Variants in PTPRM observed in about 807,000 individuals in gnomAD.
The protein encoded by PTPRM is receptor-type tyrosine-protein phosphatase mu.
PTPRM carries 47 observed loss-of-function variants against 186.7 expected under a neutral mutation model. The ratio of observed to expected loss-of-function variants is 0.25; its 90% CI spans 0.20 to 0.32. The LOEUF (loss-of-function observed/expected upper bound fraction) is 0.32. PTPRM is among the 10% of genes least tolerant of loss of function. The pLI is 1.00. For missense variants in PTPRM, 1,494 were observed against 1,865.0 expected (o/e 0.80, Z 3.66); for synonymous variants, 668 against 674.9 (o/e 0.99, Z 0.16).
intron 1 of PTPRM, among the ~76,000 whole-genome samples, chr18:7,677,287 T>C (rs561959674): frequency 6.6e-6 from 1 of 152,366 alleles, no homozygotes; most frequent in East Asian, 1.9e-4. Flanking sequence ...AAGTGCATTG[T>C]GTAAGGGAAG....
chr18:7,613,361 C>T (rs1159165375), intron 1 of PTPRM, among the ~76,000 whole-genome samples: 1 of 152,140 alleles, frequency 6.6e-6, no homozygotes, highest in Non-Finnish European at 1.5e-5. Flanking sequence ...TGATTTCAGT[C>T]ATATTGTTTC....
chr18:8,076,909 C>G (rs1210631533), intron 9 of PTPRM, among the ~76,000 whole-genome samples: 1 of 152,116 alleles, frequency 6.6e-6, no homozygotes, highest in Admixed American at 6.5e-5. Flanking sequence ...TCTTGCTTAG[C>G]TATTAAATAT....
At chr18:7,880,154 A>G (rs1405315039) in intron 2 of PTPRM, among the ~76,000 whole-genome samples, 1 of 152,174 alleles carries the variant, frequency 6.6e-6, no homozygotes, top group Admixed American at 6.5e-5. Context: ...CTCCCACGAC[A>G]TGTGGGGATT....
intron 2 of PTPRM, among the ~76,000 whole-genome samples, chr18:7,857,093 C>A (rs1407697461): frequency 6.6e-6 from 1 of 152,106 alleles, no homozygotes; most frequent in East Asian, 1.9e-4. Context: ...CTTCTTGAAT[C>A]CTGCAGAATG....
intron 7 of PTPRM, among the ~76,000 whole-genome samples, chr18:8,034,968 T>G (rs2086228306): frequency 6.6e-6 from 1 of 152,188 alleles, no homozygotes; most frequent in South Asian, 2.1e-4. Context: ...ACCCCATTCT[T>G]ATTCCTGGCT....
rs1036805897 is a variant in PTPRM, at chr18:8,034,465, TA to T, written c.1133-35212del. Among the ~76,000 whole-genome samples, 4 of 151,140 alleles carry T rather than the reference TA, an allele frequency of 2.6e-5. No homozygotes were observed. In the East Asian group the frequency reaches 7.8e-4, roughly 29 times the overall value. On this transcript the variant is annotated intron_variant, in intron 7 of 32. Coordinates refer to ENST00000580170, the MANE Select transcript of PTPRM (RefSeq NM_001105244.2). ...CCATTCATCTGTAGACCTGTGAAAC[TA>T]AAAAAAAAGTTATCTGCTTCTAAAA...
Position 7,654,391 on chromosome 18 carries a change from G to C in PTPRM, c.73+86500G>C, listed in dbSNP as rs781524769. Among the ~76,000 whole-genome samples, 10 of 152,134 alleles carry C rather than the reference G, an allele frequency of 6.6e-5. No homozygotes were observed. The East Asian group carries it at 7.7e-4, about 12-fold the overall frequency. The stretch of plus-strand genomic sequence containing the variant: ...CCTTGGCGATGACCTTGAGTAGCAG[G>C]ATATAAAAAACCCCACAAGCTTAGT... On this transcript the variant is annotated intron_variant, in intron 1 of 32. Coordinates refer to ENST00000580170, the MANE Select transcript of PTPRM (RefSeq NM_001105244.2).
At chr18:8,017,133 C>G (rs1017581192) in intron 7 of PTPRM, among the ~76,000 whole-genome samples, 2 of 152,068 alleles carry the variant, frequency 1.3e-5, no homozygotes, top group Non-Finnish European at 2.9e-5. Flanking sequence ...TCAAAGGGAT[C>G]AAATATGTTA....
At chr18:8,087,330 C>T (rs1326372072) in intron 10 of PTPRM, among the ~76,000 whole-genome samples, 1 of 152,004 alleles carries the variant, frequency 6.6e-6, no homozygotes, top group South Asian at 2.1e-4. Flanking sequence ...TTCTGATCAA[C>T]ATGGCCGTAT....
intron 13 of PTPRM, among the ~76,000 whole-genome samples, chr18:8,129,376 T>C (rs533714651): frequency 6.6e-6 from 1 of 152,368 alleles, no homozygotes; most frequent in South Asian, 2.1e-4. Flanking sequence ...AGCATGGAAC[T>C]AGACACATAG....
chr18:8,308,936 T>C (rs1732088076), intron 20 of PTPRM, among the ~76,000 whole-genome samples: 1 of 152,246 alleles, frequency 6.6e-6, no homozygotes, highest in South Asian at 2.1e-4. Context: ...AAAGTTCTAC[T>C]GGACAGCGTT....
intron 23 of PTPRM, among the ~76,000 whole-genome samples, chr18:8,351,077 T>G (rs751043812): frequency 8.5e-5 from 13 of 152,174 alleles, no homozygotes; most frequent in Admixed American, 3.3e-4. Context: ...GTCTGGGACA[T>G]TGCAGGGACA....
At chr18:7,947,098 A>G in intron 5 of PTPRM, 1 of 440,898 alleles carries the variant, frequency 2.3e-6, no homozygotes, top group Non-Finnish European at 4.5e-6. Context: ...TTGTTCCTGC[A>G]CTCTTAAGTC....
chr18:8,306,895 C>A (rs2095227842), intron 20 of PTPRM, among the ~76,000 whole-genome samples: 1 of 152,092 alleles, frequency 6.6e-6, no homozygotes, highest in Non-Finnish European at 1.5e-5. Flanking sequence ...CAAGAGTACC[C>A]CAAGGAATAA....
At chr18:7,963,843 G>A (rs1488576814) in intron 7 of PTPRM, among the ~76,000 whole-genome samples, 1 of 152,192 alleles carries the variant, frequency 6.6e-6, no homozygotes, top group Non-Finnish European at 1.5e-5. Flanking sequence ...CATGATTGTT[G>A]TTAGTATGAG....
chr18:7,875,812 C>G (rs9959946), intron 2 of PTPRM, among the ~76,000 whole-genome samples: 27,008 of 152,078 alleles, frequency 0.18, 2,618 homozygotes, highest in East Asian at 0.4. Context: ...AGGATGCATT[C>G]TGAGAAATGT....
chr18:8,356,488 A>C (rs551934171), intron 23 of PTPRM, among the ~76,000 whole-genome samples: 1 of 152,166 alleles, frequency 6.6e-6, no homozygotes, highest in Non-Finnish European at 1.5e-5. Flanking sequence ...GACACACTTA[A>C]ATAAATTGAA....
In PTPRM at chr18:8,096,175, C is replaced by T. The variant is rs1413924147; in HGVS notation, c.1856+7324C>T. ...AAGCTAGAGTGTGAAATGCTTCTCT[C>T]GGCTTCAGAAGGCATGCCAGCAGCA... On this transcript the variant is annotated intron_variant, in intron 11 of 32. Transcript: ENST00000580170. Among the ~76,000 whole-genome samples, 6 of 152,188 alleles carry T rather than the reference C, an allele frequency of 3.9e-5. No individual in the cohort carries two copies. In the East Asian group the frequency reaches 1.2e-3, roughly 29 times the overall value.
At chr18:7,864,797 A>G (rs2047591375) in intron 2 of PTPRM, among the ~76,000 whole-genome samples, 1 of 152,126 alleles carries the variant, frequency 6.6e-6, no homozygotes, top group Non-Finnish European at 1.5e-5. Flanking sequence ...CAGTATGGCC[A>G]TTTTCATGAT....
Sources: gnomAD v4.1 joint callset for allele counts (sites outside exome capture counted in the v4.1 genomes callset) on GRCh38, gnomAD v4.1.1 for gene constraint, MANE v1.5 for transcripts, NCBI Gene and HGNC (gene_info 2026-07-23, HGNC 2026-07-21) for gene names.